The following LSM14A variants were observed in gnomAD, a reference collection of about 807,000 sequenced individuals.
LSM14A encodes protein LSM14 homolog A.
Under a neutral mutation model 52.4 loss-of-function variants are expected in LSM14A, and 14 were observed. The ratio of observed to expected loss-of-function variants is 0.27; its 90% CI spans 0.18 to 0.42. The LOEUF (loss-of-function observed/expected upper bound fraction) is 0.42, where lower values mean the gene tolerates loss of function less well. Among genes scored for constraint, LSM14A ranks in the 10% least tolerant of loss-of-function variants. The probability of loss-of-function intolerance (pLI) is 1.00; values close to 1 mark genes in which losing one functional copy is unlikely to be tolerated. For synonymous variants in LSM14A, 185 were observed against 200.3 expected (o/e 0.92, Z 0.64); for missense variants, 417 against 581.8 (o/e 0.72, Z 2.91).
At chr19:34,179,568 A>G (rs1201217220) in intron 1 of LSM14A, among the ~76,000 whole-genome samples, 1 of 152,184 alleles carries the variant, frequency 6.6e-6, no homozygotes, top group Non-Finnish European at 1.5e-5. Context: ...ATACTTGGTA[A>G]TTCTGGGAGT....
chr19:34,219,922 G>A (rs765587167), intron 8 of LSM14A, 45 bp downstream of exon 8: 36 of 1,386,962 alleles, frequency 2.6e-5, no homozygotes, highest in Non-Finnish European at 3.4e-5. Context: ...ATTGATTGAA[G>A]TGTAAAATGG....
At chr19:34,216,973 G>A (rs2072647246) in intron 6 of LSM14A, among the ~76,000 whole-genome samples, 1 of 151,928 alleles carries the variant, frequency 6.6e-6, no homozygotes, top group South Asian at 2.1e-4. Context: ...TTAAAATTAA[G>A]CCCAGAGGCC....
chr19:34,225,208 A>G (rs1015818070), intron 9 of LSM14A, among the ~76,000 whole-genome samples: 1 of 152,180 alleles, frequency 6.6e-6, no homozygotes, highest in Admixed American at 6.5e-5. Context: ...TTGCCACTCC[A>G]GCCTTCAGTG....
intron 1 of LSM14A, among the ~76,000 whole-genome samples, chr19:34,193,455 C>T (rs2070613777): frequency 6.6e-6 from 1 of 152,206 alleles, no homozygotes; most frequent in Admixed American, 6.5e-5. Flanking sequence ...GCCACTGTGC[C>T]TAGCCAGAAA....
intron 1 of LSM14A, among the ~76,000 whole-genome samples, chr19:34,191,177 T>A (rs2070351778): frequency 6.6e-6 from 1 of 152,208 alleles, no homozygotes; most frequent in African/African-American, 2.4e-5. Flanking sequence ...TTATGCTGTT[T>A]TATTTATCTT....
At chr19:34,217,338 T>C (rs2072694677) in intron 6 of LSM14A, among the ~76,000 whole-genome samples, 1 of 151,774 alleles carries the variant, frequency 6.6e-6, no homozygotes, top group East Asian at 1.9e-4. Flanking sequence ...TTTATGATTA[T>C]TGATTTAATA....
At position 34,219,263 on chromosome 19, in the gene LSM14A, AATAT is replaced by A. The variant is rs2072893657; in HGVS notation, c.782-124_782-121del. On this transcript the variant is annotated intron_variant, in intron 6 of 9. Coordinates refer to ENST00000544216, the MANE Select transcript of LSM14A (RefSeq NM_015578.4). Reference sequence around the variant, plus strand: ...TGTATAAAAAATACAAATACAATAAAATATATAGAGAGACCTGTAAGCATTTCTG... The same window carrying A: ...TGTATAAAAAATACAAATACAATAAAATAGAGAGACCTGTAAGCATTTCTG... 9 of 496,238 alleles carry A rather than the reference AATAT, an allele frequency of 1.8e-5. No individual in the cohort carries two copies. In the East Asian group the frequency reaches 2.9e-4, roughly 16 times the overall value. The allele number at this position is 496,238 out of a possible 1,614,324, so 30.7% of individuals were successfully genotyped here. A position where few individuals can be genotyped will look rare whatever the true frequency, so the allele number is the denominator to read the frequency against.
intron 3 of LSM14A, among the ~76,000 whole-genome samples, chr19:34,197,451 T>G (rs2145672684): frequency 6.9e-6 from 1 of 144,320 alleles, no homozygotes; most frequent in South Asian, 2.3e-4. Context: ...TTTTTTTTTT[T>G]TTTCTGAGGC....
At chr19:34,213,660 A>G (rs1167063354) in intron 4 of LSM14A, among the ~76,000 whole-genome samples, 1 of 152,248 alleles carries the variant, frequency 6.6e-6, no homozygotes, top group Admixed American at 6.5e-5. Flanking sequence ...AAACATTATC[A>G]GGACAGAAAG....
At chr19:34,206,534 G>T (rs945065190) in intron 3 of LSM14A, among the ~76,000 whole-genome samples, 1 of 151,914 alleles carries the variant, frequency 6.6e-6, no homozygotes, top group Non-Finnish European at 1.5e-5. Context: ...AATTAGTTGG[G>T]CATGGTGGCG....
intron 3 of LSM14A, among the ~76,000 whole-genome samples, chr19:34,207,218 T>A (rs752593977): frequency 6.6e-5 from 10 of 152,082 alleles, no homozygotes; most frequent in African/African-American, 2.4e-4. Flanking sequence ...GCTCTAACCA[T>A]TGAATGCGTA....
rs531263087 is a variant in LSM14A at position 34,207,532 on chromosome 19, A to T, written c.416-1397A>T. Among the ~76,000 whole-genome samples the T allele has an allele frequency of 7.1e-4, 97 of 136,170 alleles. No individual in the cohort carries two copies. The South Asian group carries it at 0.01, about 15-fold the overall frequency. 89.3% of individuals were successfully genotyped at this position (136,170 alleles called of 152,430 possible). On this transcript the variant is annotated intron_variant, in intron 3 of 9. Coordinates refer to ENST00000544216, the MANE Select transcript of LSM14A (RefSeq NM_015578.4). ...ATACTGTGCTGCTTTCTGAAGCCAC[A>T]TTTTTTTTTTTTTTTTTGAGACAGA...
chr19:34,194,780 C>A, intron 2 of LSM14A, 139 bp downstream of exon 2: 10 of 769,258 alleles, frequency 1.3e-5, no homozygotes, highest in South Asian at 1.3e-4. Flanking sequence ...GGATAATGTT[C>A]TCATCTAGGT....
rs553474989 is a variant in LSM14A, at chr19:34,211,725, G to T, written c.538+2674G>T. On this transcript the variant is annotated intron_variant, in intron 4 of 9. Coordinates refer to ENST00000544216, the MANE Select transcript of LSM14A (RefSeq NM_015578.4). ...GATCACTTGAGCCCAGGAGGCCGAG[G>T]CTGCAGTGAGCCCTAACTGCACTAC... is the stretch of plus-strand genomic sequence containing the variant. Among the ~76,000 whole-genome samples the T allele has an allele frequency of 7.2e-5, 11 of 152,052 alleles. No homozygotes were observed. In the East Asian group the frequency reaches 2.1e-3, roughly 29 times the overall value.
chr19:34,181,652 G>T (rs1035141055), intron 1 of LSM14A, among the ~76,000 whole-genome samples: 1 of 152,030 alleles, frequency 6.6e-6, no homozygotes, highest in South Asian at 2.1e-4. Context: ...CCTGTAAGCC[G>T]CCAAATGTTG....
chr19:34,220,574 T>G (rs2072988301), intron 8 of LSM14A, among the ~76,000 whole-genome samples: 1 of 152,012 alleles, frequency 6.6e-6, no homozygotes. Flanking sequence ...AAGGACCCAG[T>G]GTGAGGAACT....
At chr19:34,194,241 A>G (rs1227078461) in intron 1 of LSM14A, among the ~76,000 whole-genome samples, 1 of 152,234 alleles carries the variant, frequency 6.6e-6, no homozygotes, top group East Asian at 1.9e-4. Flanking sequence ...AAATAAAAAT[A>G]TAAGAGGAAC....
chr19:34,221,632 G>C lies in LSM14A; in HGVS notation c.1262G>C (p.Arg421Thr). 3 of 1,614,144 alleles carry C rather than the reference G, an allele frequency of 1.9e-6. No homozygotes were observed. In the South Asian group the frequency reaches 3.3e-5, roughly 18 times the overall value. ...GGAGGTCTTGGTTTCCGTGGTGGCA[G>C]AGGGCGTGGTGGTGGCAGAGGTGGT... is the stretch of plus-strand genomic sequence containing the variant. ...GRGGLGFRGG[R>T]GRGGGRGGTF... The change falls in exon 9 of 10, where the codon AGA becomes ACA. Residue 421 changes from arginine to threonine, a missense_variant. Physicochemically the swap from Arg to Thr is moderately conservative, Grantham distance 71 (BLOSUM62 -1). Coordinates refer to ENST00000544216, the MANE Select transcript of LSM14A (RefSeq NM_015578.4).
At chr19:34,220,544 A>C (rs1199253315) in intron 8 of LSM14A, among the ~76,000 whole-genome samples, 1 of 152,174 alleles carries the variant, frequency 6.6e-6, no homozygotes, top group Admixed American at 6.5e-5. Context: ...AAAATTGGCA[A>C]ATTATTGAGA....
Sources: gnomAD v4.1 joint callset for allele counts (sites outside exome capture counted in the v4.1 genomes callset) on GRCh38, gnomAD v4.1.1 for gene constraint, MANE v1.5 for transcripts, NCBI Gene and HGNC (gene_info 2026-07-23, HGNC 2026-07-21) for gene names.